The following SERPINE2 variants were observed in gnomAD, a reference collection of about 807,000 sequenced individuals.
SERPINE2 encodes glia-derived nexin.
In SERPINE2, 14 loss-of-function variants were observed where a neutral mutation model predicts 36.3. The ratio of observed to expected loss-of-function variants is 0.39; its 90% CI spans 0.25 to 0.60. The LOEUF (loss-of-function observed/expected upper bound fraction) is 0.60. Among genes scored for constraint, SERPINE2 ranks in the 20% least tolerant of loss-of-function variants. The pLI, the probability that SERPINE2 is intolerant of heterozygous loss-of-function variation, is 0.57. For missense variants in SERPINE2, 418 were observed against 499.6 expected (o/e 0.84, Z 1.56); for synonymous variants, 192 against 191.8 (o/e 1.00, Z -0.01).
At chr2:223,988,976 C>T (rs1163681003) in intron 4 of SERPINE2, among the ~76,000 whole-genome samples, 1 of 152,132 alleles carries the variant, frequency 6.6e-6, no homozygotes, top group Admixed American at 6.5e-5. Context: ...ACATATTTTA[C>T]ATATACCTAG....
At chr2:224,030,362 G>A (rs550207094) in intron 1 of SERPINE2, 21 of 312,144 alleles carry the variant, frequency 6.7e-5, no homozygotes, top group Non-Finnish European at 9.3e-5. Context: ...TCTCAGAGAA[G>A]TGCTCACCTG....
In SERPINE2 at chr2:224,003,764, T is replaced by G. The variant is rs1367808346; in HGVS notation, c.-22-1842A>C. ...TTCGTGATGTTGCTAATTCAGTTCT[T>G]CCCCAAGAGGCCCAAGCTCCTGCTA... On this transcript the variant is annotated intron_variant, in intron 1 of 8. Coordinates refer to ENST00000409304, the MANE Select transcript of SERPINE2 (RefSeq NM_001136528.2). 3.3e-5 allele frequency among the ~76,000 whole-genome samples: 5 copies of G among 152,186 alleles called. No individual in the cohort carries two copies. The South Asian group carries it at 1.0e-3, about 31-fold the overall frequency.
At chr2:224,018,697 C>T (rs1051793299) in intron 1 of SERPINE2, among the ~76,000 whole-genome samples, 3 of 152,142 alleles carry the variant, frequency 2.0e-5, no homozygotes, top group Admixed American at 2.0e-4. Flanking sequence ...TCACCCCAAC[C>T]CTGCTGTTCT....
At chr2:224,034,723 T>C (rs969035393) in intron 1 of SERPINE2, among the ~76,000 whole-genome samples, 25 of 152,278 alleles carry the variant, frequency 1.6e-4, no homozygotes, top group African/African-American at 6.0e-4. Flanking sequence ...GGATGGCCTA[T>C]GCCTCCATAT....
chr2:224,017,522 C>T (rs150034138), intron 1 of SERPINE2, among the ~76,000 whole-genome samples: 11 of 152,270 alleles, frequency 7.2e-5, no homozygotes, highest in Non-Finnish European at 1.5e-4. Context: ...TGACTTATAA[C>T]AGTATTAATT....
chr2:224,028,543 C>T (rs1692258182), intron 1 of SERPINE2, among the ~76,000 whole-genome samples: 1 of 152,160 alleles, frequency 6.6e-6, no homozygotes, highest in South Asian at 2.1e-4. Context: ...GTTTCAGGAT[C>T]CAAAGTGTCC....
At chr2:224,008,983 C>T (rs562788846) in intron 1 of SERPINE2, among the ~76,000 whole-genome samples, 4 of 152,136 alleles carry the variant, frequency 2.6e-5, no homozygotes, top group South Asian at 2.1e-4. Context: ...GAGGGAGGCT[C>T]GCTGGATGAT....
chr2:224,019,498 C>T (rs1691919821), intron 1 of SERPINE2, among the ~76,000 whole-genome samples: 1 of 152,162 alleles, frequency 6.6e-6, no homozygotes, highest in Admixed American at 6.5e-5. Context: ...GGATCACTGT[C>T]ATCTTCCCTT....
At chr2:224,017,921 T>G (rs1346833448) in intron 1 of SERPINE2, among the ~76,000 whole-genome samples, 2 of 152,228 alleles carry the variant, frequency 1.3e-5, no homozygotes, top group Non-Finnish European at 2.9e-5. Context: ...GTTCAAATAT[T>G]ATAATTTCTA....
intron 7 of SERPINE2, chr2:223,979,523 G>A (rs549915543): frequency 5.9e-5 from 9 of 152,328 alleles, no homozygotes; most frequent in African/African-American, 2.2e-4. Flanking sequence ...GTGTAGCTAA[G>A]ATTTTCACTT....
chr2:223,992,083 T>A lies in SERPINE2; in HGVS notation c.488-83A>T, dbSNP rs1266976039. The A allele has an allele frequency of 1.4e-5, 16 of 1,178,036 alleles. No homozygotes were observed. In the South Asian group the frequency reaches 1.7e-4, roughly 13 times the overall value. The allele number at this position is 1,178,036 out of a possible 1,614,324, so 73.0% of individuals were successfully genotyped here. ...AGGGCAAATGGCAGCTGTCATCAGG[T>A]AGACTGAAAAATCAAAGGATTTTTA... On this transcript the variant is annotated intron_variant, in intron 3 of 8. Coordinates refer to ENST00000409304, the MANE Select transcript of SERPINE2 (RefSeq NM_001136528.2).
chr2:223,977,589 T>A lies in SERPINE2; in HGVS notation c.1111A>T (p.Ile371Leu), dbSNP rs1455206313. 6 of 1,613,524 alleles carry A rather than the reference T, an allele frequency of 3.7e-6. No homozygotes were observed. The East Asian group carries it at 1.3e-4, about 36-fold the overall frequency. ...AAAAACAGAAAAGGTCTGTCTACTATAAACCAGGGAGGCGATGATCTTGCA... is the reference window on the plus strand; with the variant it reads ...AAAAACAGAAAAGGTCTGTCTACTAAAAACCAGGGAGGCGATGATCTTGCA... ...LIARSSPPWF[I>L]VDRPFLFFIR... Residue 371 changes from isoleucine (I) to leucine (L), a missense_variant, in exon 8 of 9, where the codon ATA (isoleucine) becomes TTA (leucine). Coordinates refer to ENST00000409304, the MANE Select transcript of SERPINE2 (RefSeq NM_001136528.2).
intron 1 of SERPINE2, among the ~76,000 whole-genome samples, chr2:224,008,519 G>T (rs151092331): frequency 6.6e-6 from 1 of 152,126 alleles, no homozygotes; most frequent in Non-Finnish European, 1.5e-5. Context: ...TAAGGGTCTC[G>T]ATCCACTGCA....
At chr2:223,976,803 A>G (rs893534657) in intron 8 of SERPINE2, among the ~76,000 whole-genome samples, 12 of 152,222 alleles carry the variant, frequency 7.9e-5, no homozygotes, top group African/African-American at 2.2e-4. Flanking sequence ...AACAATTCCC[A>G]AGGTATAACA....
chr2:223,991,832 A>T lies in SERPINE2; in HGVS notation c.656T>A (p.Met219Lys). The T allele has an allele frequency of 6.2e-7, 1 of 1,614,054 alleles. No individual in the cohort carries two copies. ...AADGKSYQVP[M>K]LAQLSVFRCG... is the part of the protein sequence containing the mutation. ...CCGGAACACGGAGAGCTGGGCCAGC[A>T]TTGGCACTTGATAGGATTTCCCGTC... Residue 219 changes from methionine (M) to lysine (K), a missense_variant, in exon 4 of 9, where the codon ATG (methionine) becomes AAG (lysine). Met to Lys is a moderately conservative substitution (Grantham distance 95, BLOSUM62 -1). Transcript: ENST00000409304.
At position 224,005,064 on chromosome 2, in the gene SERPINE2, A is replaced by ATTATATAT. The variant is rs1553547001; in HGVS notation, c.-22-3150_-22-3143dup. On this transcript the variant is annotated intron_variant, in intron 1 of 8. Transcript: ENST00000409304. ...AATATATTTTATATATTTTATATAT[A>ATTATATAT]TTATATATATATATATATATATATA... 1.1e-3 allele frequency among the ~76,000 whole-genome samples: 97 copies of ATTATATAT among 89,798 alleles called. 3 individuals carry two copies. Among genetic ancestry groups the ATTATATAT allele is most frequent in the Admixed American group, 7.7e-3 (74 of 9,654 alleles). The allele number at this position is 89,798 out of a possible 152,430, so 58.9% of individuals were successfully genotyped here. A position where few individuals can be genotyped will look rare whatever the true frequency, so the allele number is the denominator to read the frequency against.
intron 1 of SERPINE2, chr2:224,038,506 G>A (rs1483269526): frequency 3.2e-6 from 5 of 1,551,278 alleles, no homozygotes; most frequent in Non-Finnish European, 4.4e-6. Flanking sequence ...TCACTCATCC[G>A]CCTCGCAACT....
At chr2:223,999,876 T>G (rs572152912) in intron 2 of SERPINE2, among the ~76,000 whole-genome samples, 1 of 152,300 alleles carries the variant, frequency 6.6e-6, no homozygotes, top group East Asian at 1.9e-4. Flanking sequence ...CACCATGAAG[T>G]TATAAATCAC....
chr2:224,005,227 A>C (rs991259063), intron 1 of SERPINE2, among the ~76,000 whole-genome samples: 1 of 151,472 alleles, frequency 6.6e-6, no homozygotes, highest in East Asian at 1.9e-4. Context: ...CTTCATTATA[A>C]ATTTTCGCTA....
Sources: allele counts gnomAD v4.1 joint callset (sites outside exome capture counted in the v4.1 genomes callset), GRCh38; gene constraint gnomAD v4.1.1; transcripts MANE v1.5; gene names NCBI Gene and HGNC (gene_info 2026-07-23, HGNC 2026-07-21).